The following PLPP4 variants were observed in gnomAD, a reference collection of about 807,000 sequenced individuals.
The protein encoded by PLPP4 is phospholipid phosphatase 4.
PLPP4 carries 20 observed loss-of-function variants against 32.2 expected under a neutral mutation model. That is an observed-to-expected ratio of 0.62 (90% CI 0.44 to 0.90). PLPP4 has a LOEUF of 0.90. PLPP4 is among the 40% of genes least tolerant of loss of function. PLPP4 has a pLI of 0.00. For synonymous variants in PLPP4, 127 were observed against 133.0 expected (o/e 0.95, Z 0.31); for missense variants, 257 against 353.1 (o/e 0.73, Z 2.18).
chr10:120,502,063 G>A (rs1420808954), intron 1 of PLPP4, among the ~76,000 whole-genome samples: 2 of 152,208 alleles, frequency 1.3e-5, no homozygotes, highest in Non-Finnish European at 2.9e-5. Flanking sequence ...GCTGATAGCA[G>A]AAGTGACTTG....
At chr10:120,586,324 A>G (rs1183239305) in intron 6 of PLPP4, among the ~76,000 whole-genome samples, 3 of 130,064 alleles carry the variant, frequency 2.3e-5, no homozygotes, top group Non-Finnish European at 3.3e-5. Context: ...TTGTAGTTTT[A>G]GTAGAGACAG....
At chr10:120,580,951 C>G (rs1249969598) in intron 6 of PLPP4, 1 of 1,289,196 alleles carries the variant, frequency 7.8e-7, no homozygotes, top group Non-Finnish European at 1.0e-6. Context: ...GGCTGCCAAC[C>G]CCCGCCTCTG....
rs746382066 is a variant in PLPP4, at chr10:120,503,541, A to T, written c.57-277A>T. The T allele has an allele frequency of 3.8e-6, 6 of 1,599,570 alleles. No individual in the cohort carries two copies. The South Asian group carries it at 4.5e-5, about 12-fold the overall frequency. ...GTTTCCAGTTTACTTTGGAACCCCA[A>T]GTCCTTGGAGTCTTTGTACACACAA... On this transcript the variant is annotated intron_variant, in intron 1 of 6. Transcript: ENST00000398250.
intron 2 of PLPP4, among the ~76,000 whole-genome samples, chr10:120,505,851 T>C (rs1845465926): frequency 6.6e-6 from 1 of 152,228 alleles, no homozygotes; most frequent in Non-Finnish European, 1.5e-5. Context: ...GTTTACTCAA[T>C]GGCTTTAATA....
At chr10:120,510,231 C>A (rs779971193) in intron 2 of PLPP4, among the ~76,000 whole-genome samples, 1 of 152,158 alleles carries the variant, frequency 6.6e-6, no homozygotes, top group Non-Finnish European at 1.5e-5. Context: ...GTGAGCAGAA[C>A]TCAAGTCCAA....
chr10:120,486,626 A>G (rs1844469370), intron 1 of PLPP4, among the ~76,000 whole-genome samples: 1 of 152,248 alleles, frequency 6.6e-6, no homozygotes, highest in Non-Finnish European at 1.5e-5. Context: ...CTACTGATAT[A>G]GGGAGGAGAA....
At chr10:120,570,253 G>T (rs1269305490) in intron 5 of PLPP4, among the ~76,000 whole-genome samples, 1 of 151,946 alleles carries the variant, frequency 6.6e-6, no homozygotes, top group African/African-American at 2.4e-5. Context: ...AGGCAGGCTT[G>T]TTTCCCACAT....
At chr10:120,499,467 G>C (rs1234266448) in intron 1 of PLPP4, among the ~76,000 whole-genome samples, 1 of 151,726 alleles carries the variant, frequency 6.6e-6, no homozygotes, top group Admixed American at 6.6e-5. Context: ...GTAATACATG[G>C]ATGTGACCCA....
At chr10:120,586,827 A>G (rs1849783360) in intron 6 of PLPP4, among the ~76,000 whole-genome samples, 1 of 151,982 alleles carries the variant, frequency 6.6e-6, no homozygotes, top group Non-Finnish European at 1.5e-5. Flanking sequence ...GTGGGGAGGG[A>G]CTATTAACAT....
chr10:120,497,350 G>C (rs539292616), intron 1 of PLPP4, among the ~76,000 whole-genome samples: 1 of 152,084 alleles, frequency 6.6e-6, no homozygotes, highest in South Asian at 2.1e-4. Context: ...AATTTGAGTG[G>C]ATTATCCCTG....
chr10:120,501,996 G>C (rs956693420), intron 1 of PLPP4, among the ~76,000 whole-genome samples: 4 of 152,216 alleles, frequency 2.6e-5, no homozygotes, highest in Non-Finnish European at 5.9e-5. Flanking sequence ...GACCAGGGCA[G>C]AGAGCTGATG....
intron 5 of PLPP4, among the ~76,000 whole-genome samples, chr10:120,542,007 A>T (rs1847368034): frequency 6.6e-6 from 1 of 152,138 alleles, no homozygotes; most frequent in Admixed American, 6.5e-5. Flanking sequence ...CAAACTCCTG[A>T]CCTCGTGATT....
intron 6 of PLPP4, 24 bp downstream of exon 6, chr10:120,575,325 C>G: frequency 6.2e-7 from 1 of 1,605,164 alleles, no homozygotes; most frequent in Non-Finnish European, 8.5e-7. Flanking sequence ...CAGGGCCTGA[C>G]TAGTCCTCAC....
At chr10:120,545,760 A>G (rs575171956) in intron 5 of PLPP4, among the ~76,000 whole-genome samples, 2 of 152,206 alleles carry the variant, frequency 1.3e-5, no homozygotes, top group African/African-American at 4.8e-5. Flanking sequence ...TGTCAACTTG[A>G]TTGGGTTGAA....
chr10:120,543,086 C>T (rs1313664456), intron 5 of PLPP4, among the ~76,000 whole-genome samples: 1 of 152,116 alleles, frequency 6.6e-6, no homozygotes, highest in Non-Finnish European at 1.5e-5. Flanking sequence ...ACTGGGCCAC[C>T]TTGGTAGAGA....
intron 5 of PLPP4, among the ~76,000 whole-genome samples, chr10:120,569,376 C>G (rs1359029945): frequency 6.6e-6 from 1 of 152,186 alleles, no homozygotes; most frequent in Admixed American, 6.5e-5. Context: ...CTTCCCACCA[C>G]TGTTCTTCCT....
chr10:120,574,168 A>ACACACTCTCTCTCTCT (rs1849090021), intron 5 of PLPP4, among the ~76,000 whole-genome samples: 1 of 47,120 alleles, frequency 2.1e-5, no homozygotes, highest in Non-Finnish European at 4.1e-5. Context: ...ACACACACAC[A>ACACACTCTCTCTCTCT]CTCTCTCTCT....
chr10:120,484,236 C>G (rs1844340054), intron 1 of PLPP4, among the ~76,000 whole-genome samples: 1 of 152,184 alleles, frequency 6.6e-6, no homozygotes, highest in South Asian at 2.1e-4. Flanking sequence ...AGCACAGGAT[C>G]TGCTATATTC....
rs1177155190 is a variant in PLPP4 at position 120,590,654 on chromosome 10, T to C, written c.*1152T>C. On this transcript the variant is annotated 3_prime_UTR_variant, in exon 7 of 7. Transcript: ENST00000398250. ...GCTGCTCCTTGGCCAGCTAGTTTTT[T>C]CAAGGCAAGGAGCATCCCCTTCATC... Among the ~76,000 whole-genome samples the C allele has an allele frequency of 6.6e-6, 1 of 152,158 alleles. No homozygotes were observed. Among genetic ancestry groups the C allele is most frequent in the Non-Finnish European group, 1.5e-5 (1 of 68,032 alleles).
Sources: allele counts gnomAD v4.1 joint callset (sites outside exome capture counted in the v4.1 genomes callset), GRCh38; gene constraint gnomAD v4.1.1; transcripts MANE v1.5; gene names NCBI Gene and HGNC (gene_info 2026-07-23, HGNC 2026-07-21).